NCK2: variants seen among roughly 807,000 people sequenced by gnomAD.
The protein encoded by NCK2 is NCK adaptor protein 2, also known as cytoplasmic protein NCK2.
NCK2 carries 16 observed loss-of-function variants against 33.9 expected under a neutral mutation model. That is an observed-to-expected ratio of 0.47 (90% confidence interval 0.32 to 0.72). The LOEUF is 0.72. Ranked by LOEUF, NCK2 falls within the 30% of genes least tolerant of loss-of-function variation. The pLI, the probability that NCK2 is intolerant of heterozygous loss-of-function variation, is 0.03. For synonymous variants in NCK2, 273 were observed against 239.9 expected (o/e 1.14, Z -1.27); for missense variants, 418 against 537.3 (o/e 0.78, Z 2.19).
At chr2:105,808,610 G>A (rs1057236335) in intron 1 of NCK2, among the ~76,000 whole-genome samples, 1 of 152,182 alleles carries the variant, frequency 6.6e-6, no homozygotes, top group African/African-American at 2.4e-5. Flanking sequence ...ACACCAGAGG[G>A]ATGGAGTGCC....
chr2:105,804,176 G>A (rs536629651), intron 1 of NCK2, among the ~76,000 whole-genome samples: 11 of 152,182 alleles, frequency 7.2e-5, no homozygotes, highest in Non-Finnish European at 1.3e-4. Flanking sequence ...TGAGTCTAGA[G>A]AAAGCTTGAG....
Position 105,839,241 on chromosome 2 carries a change from G to T in NCK2, c.-16-15807G>T, listed in dbSNP as rs116197604. Among the ~76,000 whole-genome samples, 1,012 of 152,282 alleles carry T rather than the reference G, an allele frequency of 6.6e-3. 15 individuals carry two copies. The highest frequency in any genetic ancestry group is 0.022 in the African/African-American group (931 of 41,554). Reference sequence around the variant, plus strand: ...AGGCTTTGGTGCAGCTTTGGATTTGGTTCTGTTTGGGTGGGAAGCTGCACT... The same window carrying T: ...AGGCTTTGGTGCAGCTTTGGATTTGTTTCTGTTTGGGTGGGAAGCTGCACT... On this transcript the variant is annotated intron_variant, in intron 2 of 4. Transcript: ENST00000233154.
At chr2:105,752,855 A>C (rs1689495446) in intron 1 of NCK2, among the ~76,000 whole-genome samples, 1 of 152,226 alleles carries the variant, frequency 6.6e-6, no homozygotes, top group Admixed American at 6.5e-5. Context: ...TGTTAAGTAC[A>C]AGCTAAAATC....
intron 4 of NCK2, 91 bp downstream of exon 4, chr2:105,882,140 AG>A: frequency 7.5e-7 from 1 of 1,331,754 alleles, no homozygotes; most frequent in Non-Finnish European, 9.7e-7. Flanking sequence ...ACATTGTGTG[AG>A]TACACTAGAA....
intron 1 of NCK2, among the ~76,000 whole-genome samples, chr2:105,804,784 A>T (rs1674967926): frequency 6.6e-6 from 1 of 152,254 alleles, no homozygotes; most frequent in Non-Finnish European, 1.5e-5. Flanking sequence ...TGGCATAGGT[A>T]TGTTATTATC....
intron 1 of NCK2, among the ~76,000 whole-genome samples, chr2:105,794,930 T>C (rs189907322): frequency 9.2e-5 from 14 of 152,306 alleles, no homozygotes; most frequent in Non-Finnish European, 1.6e-4. Flanking sequence ...CTCTCTATCT[T>C]CTTTTTTCCC....
chr2:105,756,887 C>T (rs1689612466), intron 1 of NCK2, among the ~76,000 whole-genome samples: 1 of 152,176 alleles, frequency 6.6e-6, no homozygotes, highest in Non-Finnish European at 1.5e-5. Flanking sequence ...TCATCACAAC[C>T]TCCCCCCTCC....
At chr2:105,850,707 G>C (rs770169824) in intron 2 of NCK2, among the ~76,000 whole-genome samples, 47 of 152,188 alleles carry the variant, frequency 3.1e-4, no homozygotes, top group Admixed American at 9.2e-4. Flanking sequence ...TGATGGTCTT[G>C]CCTAGACTAA....
intron 3 of NCK2, among the ~76,000 whole-genome samples, chr2:105,861,997 G>A (rs1328142707): frequency 6.7e-6 from 1 of 148,690 alleles, no homozygotes; most frequent in East Asian, 2.0e-4. Context: ...TAGCAGGTGG[G>A]GATCAGGGTA....
intron 4 of NCK2, among the ~76,000 whole-genome samples, chr2:105,883,348 C>T (rs1028046761): frequency 1.4e-4 from 22 of 152,178 alleles, no homozygotes; most frequent in Non-Finnish European, 5.9e-5. Flanking sequence ...CGAGCAGAAA[C>T]TTAGAGAAAG....
At chr2:105,756,924 G>C (rs1405549046) in intron 1 of NCK2, among the ~76,000 whole-genome samples, 1 of 152,150 alleles carries the variant, frequency 6.6e-6, no homozygotes, top group Non-Finnish European at 1.5e-5. Context: ...TCCTGCGTCA[G>C]CCTCCCGAGT....
intron 2 of NCK2, among the ~76,000 whole-genome samples, chr2:105,846,143 G>A (rs1017342244): frequency 1.3e-5 from 2 of 152,162 alleles, no homozygotes; most frequent in Non-Finnish European, 2.9e-5. Flanking sequence ...AGACACCAAC[G>A]AGAAAGCCAA....
At chr2:105,814,537 T>C (rs1573623896) in intron 1 of NCK2, among the ~76,000 whole-genome samples, 1 of 152,198 alleles carries the variant, frequency 6.6e-6, no homozygotes, top group Non-Finnish European at 1.5e-5. Flanking sequence ...CATTGTTCTT[T>C]TGCGGGGTCT....
chr2:105,797,983 T>C (rs1691145782), intron 1 of NCK2, among the ~76,000 whole-genome samples: 1 of 152,220 alleles, frequency 6.6e-6, no homozygotes, highest in African/African-American at 2.4e-5. Flanking sequence ...GCTATAGTGA[T>C]CTAATTTGGT....
chr2:105,822,336 C>T (rs1380032348), intron 2 of NCK2, among the ~76,000 whole-genome samples: 1 of 150,256 alleles, frequency 6.7e-6, no homozygotes, highest in East Asian at 1.9e-4. Flanking sequence ...CATGGAGGCC[C>T]AGGATGGTGC....
At chr2:105,865,430 C>T (rs577638890) in intron 3 of NCK2, among the ~76,000 whole-genome samples, 2 of 152,126 alleles carry the variant, frequency 1.3e-5, no homozygotes, top group Non-Finnish European at 2.9e-5. Context: ...GATTGCTGTT[C>T]AGTCTCAGGA....
intron 2 of NCK2, among the ~76,000 whole-genome samples, chr2:105,822,319 C>A (rs996384490): frequency 6.7e-6 from 1 of 150,312 alleles, no homozygotes; most frequent in Non-Finnish European, 1.5e-5. Context: ...TGGCTTCCAG[C>A]TCCACCCATG....
chr2:105,827,851 CAG>C (rs900824193), intron 2 of NCK2, among the ~76,000 whole-genome samples: 7 of 152,236 alleles, frequency 4.6e-5, no homozygotes, highest in East Asian at 3.9e-4. Flanking sequence ...GGGATAATGT[CAG>C]AGAGATTTCT....
intron 2 of NCK2, among the ~76,000 whole-genome samples, chr2:105,845,111 G>A (rs1414056853): frequency 1.3e-5 from 2 of 152,038 alleles, no homozygotes; most frequent in East Asian, 3.9e-4. Context: ...ACTTCAATAG[G>A]AAAATCTAAA....
Sources: gnomAD v4.1 joint callset for allele counts (sites outside exome capture counted in the v4.1 genomes callset) on GRCh38, gnomAD v4.1.1 for gene constraint, MANE v1.5 for transcripts, NCBI Gene and HGNC (gene_info 2026-07-23, HGNC 2026-07-21) for gene names.